The following EPM2A variants were observed in gnomAD, a reference collection of about 807,000 sequenced individuals.
EPM2A encodes the protein laforin.
In EPM2A, 21 loss-of-function variants were observed where a neutral mutation model predicts 26.5. The ratio of observed to expected loss-of-function variants is 0.79; its 90% CI spans 0.56 to 1.14. The LOEUF (loss-of-function observed/expected upper bound fraction) is 1.14, where lower values mean the gene tolerates loss of function less well. Ranked by LOEUF, EPM2A falls within the 50% of genes most tolerant of loss-of-function variation. The probability of loss-of-function intolerance (pLI) is 0.00; values close to 1 mark genes in which losing one functional copy is unlikely to be tolerated. For synonymous variants in EPM2A, 217 were observed against 177.6 expected (o/e 1.22, Z -1.76); for missense variants, 458 against 440.8 (o/e 1.04, Z -0.35).
intron 2 of EPM2A, among the ~76,000 whole-genome samples, chr6:145,508,255 C>A (rs1397170919): frequency 6.6e-6 from 1 of 152,190 alleles, no homozygotes; most frequent in Non-Finnish European, 1.5e-5. Context: ...ATTGGCTCTA[C>A]CCCCACCAAA....
chr6:145,726,621 T>G (rs1256732032), intron 1 of EPM2A, among the ~76,000 whole-genome samples: 2 of 152,132 alleles, frequency 1.3e-5, no homozygotes, highest in African/African-American at 4.8e-5. Context: ...AGGAAGGCAC[T>G]TTACTTTGAT....
rs1245490871 is a variant in EPM2A, at chr6:145,625,964, TC to T, written c.*1451del. 3 of 1,226,402 alleles carry T rather than the reference TC, an allele frequency of 2.4e-6. No individual in the cohort carries two copies. The African/African-American group carries it at 4.6e-5, about 19-fold the overall frequency. 76.0% of individuals were successfully genotyped at this position (1,226,402 alleles called of 1,614,324 possible). ...AAACCCAGCTTTGTATCTCACTTCA[TC>T]TATTTATTCATCATGTGACAATAGA... is the stretch of plus-strand genomic sequence containing the variant. On this transcript the variant is annotated 3_prime_UTR_variant, in exon 4 of 4. Coordinates refer to ENST00000367519, the MANE Select transcript of EPM2A (RefSeq NM_005670.4).
Position 145,735,407 on chromosome 6 carries a change from C to G in EPM2A, c.92G>C (p.Arg31Pro). ...GCGGACGGCACCGCGCGGCTCCCAA[C>G]GCCCCAGCTCGGGCCGCGACCCCAC... ...LVVGSRPELGRWEPRGAVRLR... is the reference protein window; with the variant it reads ...LVVGSRPELGPWEPRGAVRLR... The change falls in exon 1 of 4, where the codon CGT becomes CCT. Residue 31 changes from arginine (R) to proline (P), a missense_variant. Arg to Pro is a moderately radical substitution (Grantham distance 103). Transcript: ENST00000367519. 8.1e-7 allele frequency: 1 copy of G among 1,240,532 alleles called. No individual in the cohort carries two copies. The highest frequency in any genetic ancestry group is 1.0e-6 in the Non-Finnish European group (1 of 987,908). The allele number at this position is 1,240,532 out of a possible 1,614,324, so 76.8% of individuals were successfully genotyped here.
Position 145,412,152 on chromosome 6 carries a change from G to A in EPM2A, c.556-28055C>T, listed in dbSNP as rs557377970. Among the ~76,000 whole-genome samples, 8 of 151,204 alleles carry A rather than the reference G, an allele frequency of 5.3e-5. No individual in the cohort carries two copies. The East Asian group carries it at 1.6e-3, about 29-fold the overall frequency. On this transcript the variant is annotated intron_variant, in intron 4 of 4. Transcript: ENST00000638717. ...GAATCTCTTGAACCTGGGAGGCAGG[G>A]GTTGCAGTGAGCCAAGATTGCGCCA...
intron 1 of EPM2A, among the ~76,000 whole-genome samples, chr6:145,701,713 G>A (rs1408108142): frequency 6.6e-6 from 1 of 152,154 alleles, no homozygotes; most frequent in Non-Finnish European, 1.5e-5. Flanking sequence ...TGATGCACTG[G>A]AACACATTAT....
rs200297098 is a variant in EPM2A, at chr6:145,403,268, T to C, written c.556-19171A>G. 3.8e-4 allele frequency among the ~76,000 whole-genome samples: 58 copies of C among 152,236 alleles called. No homozygotes were observed. In the East Asian group the frequency reaches 9.3e-3, roughly 24 times the overall value. On this transcript the variant is annotated intron_variant, in intron 4 of 4. Transcript: ENST00000638717. ...ATCCAATTACTCTTTAAGTTATTTTTAAATGTACAATTAACTTAGTATTGA... is the reference window on the plus strand; with the variant it reads ...ATCCAATTACTCTTTAAGTTATTTTCAAATGTACAATTAACTTAGTATTGA...
At chr6:145,596,346 G>C (rs1204246006) in intron 2 of EPM2A, among the ~76,000 whole-genome samples, 1 of 152,022 alleles carries the variant, frequency 6.6e-6, no homozygotes, top group Non-Finnish European at 1.5e-5. Flanking sequence ...TATTGTTTTG[G>C]AGAGTTCCCT....
At chr6:145,552,954 T>C (rs921385314) in intron 2 of EPM2A, among the ~76,000 whole-genome samples, 7 of 152,098 alleles carry the variant, frequency 4.6e-5, no homozygotes, top group Admixed American at 2.0e-4. Flanking sequence ...ATCTAACCAC[T>C]TAAAATACTT....
At chr6:145,667,605 G>C (rs1389235847) in intron 2 of EPM2A, among the ~76,000 whole-genome samples, 1 of 151,260 alleles carries the variant, frequency 6.6e-6, no homozygotes, top group Non-Finnish European at 1.5e-5. Context: ...AGTCAGTGTG[G>C]CGATTCCTCA....
intron 1 of EPM2A, among the ~76,000 whole-genome samples, chr6:145,701,683 G>A (rs1781918633): frequency 1.3e-5 from 2 of 152,132 alleles, no homozygotes. Context: ...AGAGTGGAGA[G>A]AAACAAATAA....
chr6:145,451,848 C>T (rs1182068475), intron 4 of EPM2A, among the ~76,000 whole-genome samples: 2 of 151,046 alleles, frequency 1.3e-5, no homozygotes, highest in Non-Finnish European at 2.9e-5. Flanking sequence ...ACATATAAAA[C>T]ACATATCAGC....
chr6:145,384,682 G>A (rs1457800962), intron 4 of EPM2A, among the ~76,000 whole-genome samples: 2 of 147,338 alleles, frequency 1.4e-5, no homozygotes, highest in African/African-American at 5.0e-5. Context: ...ACTCCCAGCA[G>A]CTGGGAGTAA....
At chr6:145,717,837 G>A (rs983356986) in intron 1 of EPM2A, among the ~76,000 whole-genome samples, 3 of 151,542 alleles carry the variant, frequency 2.0e-5, no homozygotes, top group East Asian at 3.9e-4. Flanking sequence ...GACAAACAGA[G>A]AGACAAATCA....
chr6:145,612,259 T>C (rs988338642), intron 2 of EPM2A, among the ~76,000 whole-genome samples: 2 of 152,178 alleles, frequency 1.3e-5, no homozygotes, highest in African/African-American at 4.8e-5. Flanking sequence ...GATTTTGCAT[T>C]TTATAATGGA....
intron 2 of EPM2A, among the ~76,000 whole-genome samples, chr6:145,520,229 C>T (rs386823): frequency 0.45 from 68,480 of 152,060 alleles, 15,463 homozygotes; most frequent in South Asian, 0.58. Context: ...TGTACTTTTT[C>T]TCTTTTCCAT....
intron 2 of EPM2A, among the ~76,000 whole-genome samples, chr6:145,600,278 T>C (rs1781400399): frequency 6.6e-6 from 1 of 152,212 alleles, no homozygotes; most frequent in South Asian, 2.1e-4. Context: ...CTCAGTCCCC[T>C]GCAAGGTTTC....
chr6:145,467,660 C>T (rs1779416854), intron 4 of EPM2A, among the ~76,000 whole-genome samples: 1 of 152,122 alleles, frequency 6.6e-6, no homozygotes, highest in African/African-American at 2.4e-5. Flanking sequence ...TATGGGATTG[C>T]ATTAAATTTA....
At chr6:145,417,690 T>C (rs1264474546) in intron 4 of EPM2A, among the ~76,000 whole-genome samples, 2 of 152,204 alleles carry the variant, frequency 1.3e-5, no homozygotes, top group Non-Finnish European at 2.9e-5. Context: ...GACTTTTTTC[T>C]GAATATAGAC....
chr6:145,651,312 A>G (rs568242080), intron 2 of EPM2A, among the ~76,000 whole-genome samples: 8 of 152,232 alleles, frequency 5.3e-5, no homozygotes, highest in Non-Finnish European at 8.8e-5. Flanking sequence ...AATGATGGTG[A>G]TTAAGTAGAC....
Sources: gnomAD v4.1 joint callset for allele counts (sites outside exome capture counted in the v4.1 genomes callset) on GRCh38, gnomAD v4.1.1 for gene constraint, MANE v1.5 for transcripts, NCBI Gene and HGNC (gene_info 2026-07-23, HGNC 2026-07-21) for gene names.